TECRL: variants seen among roughly 807,000 people sequenced by gnomAD.
TECRL encodes the protein trans-2,3-enoyl-CoA reductase-like.
Under a neutral mutation model 52.8 loss-of-function variants are expected in TECRL, and 63 were observed. The ratio of observed to expected loss-of-function variants is 1.19; its 90% CI spans 0.97 to 1.47. TECRL has a LOEUF of 1.47. TECRL is among the 40% of genes most tolerant of loss of function. The pLI is 0.00. For synonymous variants in TECRL, 164 were observed against 141.9 expected (o/e 1.16, Z -1.10); for missense variants, 482 against 429.6 (o/e 1.12, Z -1.08).
intron 5 of TECRL, among the ~76,000 whole-genome samples, chr4:64,313,977 CAAAAAAAA>C (rs752037972): frequency 0.046 from 2,858 of 61,976 alleles, 36 homozygotes; most frequent in Middle Eastern, 0.093. Context: ...ACTAAAAATA[CAAAAAAAA>C]AAAAAAAAAA....
At chr4:64,356,500 C>T (rs1306507802) in intron 2 of TECRL, among the ~76,000 whole-genome samples, 2 of 152,154 alleles carry the variant, frequency 1.3e-5, no homozygotes, top group Non-Finnish European at 1.5e-5. Context: ...CTTTGTTATT[C>T]TTTACTCCAC....
At chr4:64,336,624 C>T (rs112196975) in intron 2 of TECRL, among the ~76,000 whole-genome samples, 73 of 152,056 alleles carry the variant, frequency 4.8e-4, no homozygotes, top group South Asian at 2.9e-3. Flanking sequence ...AGAACTTTCC[C>T]GCTTTCTCTT....
chr4:64,344,430 A>G (rs1481483324), intron 2 of TECRL, among the ~76,000 whole-genome samples: 3 of 152,124 alleles, frequency 2.0e-5, no homozygotes, highest in South Asian at 2.1e-4. Flanking sequence ...CTGTCTTGTG[A>G]AAAAAACACA....
rs533200473 is a variant in TECRL at position 64,343,076 on chromosome 4, C to T, written c.287-14520G>A. On this transcript the variant is annotated intron_variant, in intron 2 of 11. Coordinates refer to ENST00000381210, the MANE Select transcript of TECRL (RefSeq NM_001010874.5). ...AAAAAATTCAACAGAAAATATAGTT[C>T]GCCTTCTTTAAAAAAGGGGGAATAA... Among the ~76,000 whole-genome samples, 16 of 145,482 alleles carry T rather than the reference C, an allele frequency of 1.1e-4. No homozygotes were observed. The South Asian group carries it at 2.7e-3, about 25-fold the overall frequency.
At chr4:64,313,481 T>C (rs1717213723) in intron 5 of TECRL, among the ~76,000 whole-genome samples, 1 of 138,908 alleles carries the variant, frequency 7.2e-6, no homozygotes, top group Non-Finnish European at 1.6e-5. Context: ...TACTCCTTTT[T>C]TTTTTTTTTT....
At chr4:64,298,375 G>A (rs1053148541) in intron 8 of TECRL, among the ~76,000 whole-genome samples, 3 of 151,124 alleles carry the variant, frequency 2.0e-5, no homozygotes, top group South Asian at 2.1e-4. Context: ...ATGTGAAGAC[G>A]AAAAACCAGT....
chr4:64,407,453 T>C (rs1408958357), intron 1 of TECRL, among the ~76,000 whole-genome samples: 7 of 151,792 alleles, frequency 4.6e-5, no homozygotes, highest in African/African-American at 1.7e-4. Context: ...AAAATTTAAA[T>C]GTGTAAGGCA....
chr4:64,383,535 T>C (rs1304725074), intron 1 of TECRL, among the ~76,000 whole-genome samples: 1 of 152,030 alleles, frequency 6.6e-6, no homozygotes, highest in Non-Finnish European at 1.5e-5. Flanking sequence ...TGATCTAGTC[T>C]ATTGTGGAAG....
chr4:64,309,518 T>A (rs569796019), intron 6 of TECRL, among the ~76,000 whole-genome samples: 1 of 152,178 alleles, frequency 6.6e-6, no homozygotes, highest in Non-Finnish European at 1.5e-5. Flanking sequence ...TCTTATATCA[T>A]ATTCTGCTCT....
At chr4:64,355,261 T>A (rs1720684170) in intron 2 of TECRL, among the ~76,000 whole-genome samples, 1 of 152,126 alleles carries the variant, frequency 6.6e-6, no homozygotes, top group Non-Finnish European at 1.5e-5. Flanking sequence ...ACTTAATGTG[T>A]TAAAAATTAA....
At position 64,299,967 on chromosome 4, in the gene TECRL, T is replaced by C. The variant is rs760595838; in HGVS notation, c.774+7A>G. ...CGTGAATAGCAAAATATATATATGA[T>C]ACATACCAGAAAATTGATAGCAGAT... On this transcript the variant is annotated splice_region_variant and intron_variant, in intron 8 of 11. Transcript: ENST00000381210. The C allele has an allele frequency of 6.9e-5, 108 of 1,567,620 alleles. 1 individual carries two copies. The highest frequency in any genetic ancestry group is 8.9e-5 in the Non-Finnish European group (103 of 1,151,896).
At chr4:64,301,650 T>C (rs576331960) in intron 7 of TECRL, among the ~76,000 whole-genome samples, 35 of 151,222 alleles carry the variant, frequency 2.3e-4, no homozygotes, top group Non-Finnish European at 4.3e-4. Context: ...CTGAAAAGGA[T>C]ATCTTGTAAT....
rs1722733080 is a variant in TECRL at position 64,279,921 on chromosome 4, A to C, written c.*151T>G. 4.1e-6 allele frequency: 5 copies of C among 1,234,090 alleles called. No homozygotes were observed. The highest frequency in any genetic ancestry group is 3.7e-5 in the East Asian group (1 of 27,096). 76.4% of individuals were successfully genotyped at this position (1,234,090 alleles called of 1,614,324 possible). On this transcript the variant is annotated 3_prime_UTR_variant, in exon 12 of 12. Coordinates refer to ENST00000381210, the MANE Select transcript of TECRL (RefSeq NM_001010874.5). ...TTTTATTACCATGTGCATTTCTCTA[A>C]ATTTAGTGAAATTTTACTATTTTAT...
At chr4:64,393,123 C>G (rs967414802) in intron 1 of TECRL, among the ~76,000 whole-genome samples, 1 of 151,884 alleles carries the variant, frequency 6.6e-6, no homozygotes, top group Non-Finnish European at 1.5e-5. Context: ...ACCAATAGTT[C>G]AGTCTGTTTC....
At chr4:64,322,638 A>T (rs1717983145) in intron 4 of TECRL, 51 bp downstream of exon 4, 2 of 1,311,458 alleles carry the variant, frequency 1.5e-6, no homozygotes, top group Admixed American at 4.4e-5. Flanking sequence ...TCAATAAATT[A>T]TTTAGAGCAA....
At chr4:64,389,401 T>A (rs1466654880) in intron 1 of TECRL, among the ~76,000 whole-genome samples, 1 of 151,934 alleles carries the variant, frequency 6.6e-6, no homozygotes, top group Non-Finnish European at 1.5e-5. Flanking sequence ...TTTATCCTGG[T>A]GATGTGATGA....
chr4:64,365,472 T>G (rs1721529168), intron 2 of TECRL, among the ~76,000 whole-genome samples: 1 of 152,090 alleles, frequency 6.6e-6, no homozygotes, highest in Non-Finnish European at 1.5e-5. Flanking sequence ...TGATTCTGTA[T>G]CCGGAAAACT....
In TECRL at chr4:64,406,157, C is replaced by CGTT. The variant is rs371862561; in HGVS notation, c.234+2960_234+2961insAAC. 2.8e-5 allele frequency among the ~76,000 whole-genome samples: 4 copies of CGTT among 144,336 alleles called. No individual in the cohort carries two copies. In the South Asian group the frequency reaches 8.6e-4, roughly 31 times the overall value. 94.7% of individuals were successfully genotyped at this position (144,336 alleles called of 152,430 possible). ...CTTTTTTATTTGTTAGGCGCGCGCG[C>CGTT]GCGCGCGCGTGTGTGTGTGTGTGTA... On this transcript the variant is annotated intron_variant, in intron 1 of 11. Coordinates refer to ENST00000381210, the MANE Select transcript of TECRL (RefSeq NM_001010874.5).
At chr4:64,282,724 G>A (rs1252261786) in intron 9 of TECRL, among the ~76,000 whole-genome samples, 1 of 151,900 alleles carries the variant, frequency 6.6e-6, no homozygotes, top group South Asian at 2.1e-4. Flanking sequence ...ATTTTTTCCA[G>A]ACCTAGTTTG....
Sources: allele counts gnomAD v4.1 joint callset (sites outside exome capture counted in the v4.1 genomes callset), GRCh38; gene constraint gnomAD v4.1.1; transcripts MANE v1.5; gene names NCBI Gene and HGNC (gene_info 2026-07-23, HGNC 2026-07-21).